The following PLCG2 variants were observed in gnomAD, a reference collection of about 807,000 sequenced individuals.
PLCG2 encodes the protein 1-phosphatidylinositol 4,5-bisphosphate phosphodiesterase gamma-2.
PLCG2 carries 69 observed loss-of-function variants against 175.6 expected under a neutral mutation model. The ratio of observed to expected loss-of-function variants is 0.39; its 90% CI spans 0.32 to 0.48. The LOEUF (loss-of-function observed/expected upper bound fraction) is 0.48, where lower values mean the gene tolerates loss of function less well. Ranked by LOEUF, PLCG2 falls within the 20% of genes least tolerant of loss-of-function variation. The probability of loss-of-function intolerance (pLI) is 0.91; values close to 1 mark genes in which losing one functional copy is unlikely to be tolerated. For missense variants in PLCG2, 1,798 were observed against 1,650.9 expected (o/e 1.09, Z -1.54); for synonymous variants, 827 against 624.0 (o/e 1.33, Z -4.85).
intron 2 of PLCG2, among the ~76,000 whole-genome samples, chr16:81,787,393 A>ATTTTTTTT (rs67160306): frequency 0.058 from 5,424 of 94,308 alleles, 1,000 homozygotes; most frequent in African/African-American, 0.22. Context: ...GGATAATTTA[A>ATTTTTTTT]TTTTTTTTTT....
At chr16:81,856,931 T>C (rs1906715211) in intron 3 of PLCG2, among the ~76,000 whole-genome samples, 1 of 152,112 alleles carries the variant, frequency 6.6e-6, no homozygotes, top group South Asian at 2.1e-4. Flanking sequence ...TGAGAGGCCA[T>C]GAGCTAAGGA....
chr16:81,879,992 C>G (rs960339629), intron 7 of PLCG2, among the ~76,000 whole-genome samples: 1 of 152,202 alleles, frequency 6.6e-6, no homozygotes, highest in Non-Finnish European at 1.5e-5. Context: ...GTAATCCCAG[C>G]TACTGAGGGG....
chr16:81,742,752 C>T (rs533948556), intron 1 of PLCG2, among the ~76,000 whole-genome samples: 4 of 152,156 alleles, frequency 2.6e-5, no homozygotes, highest in Admixed American at 6.5e-5. Context: ...TGCTACGAGA[C>T]GGGAGTGAAC....
chr16:81,948,055 G>A lies in PLCG2; in HGVS notation c.3570+1792G>A, dbSNP rs1199783464. 2.1e-5 allele frequency among the ~76,000 whole-genome samples: 3 copies of A among 144,612 alleles called. No homozygotes were observed. The South Asian group carries it at 6.3e-4, about 30-fold the overall frequency. 94.9% of individuals were successfully genotyped at this position (144,612 alleles called of 152,430 possible). A position where few individuals can be genotyped will look rare whatever the true frequency, so the allele number is the denominator to read the frequency against. ...CTAATTCACTTATGCTCCTACTAAC[G>A]GAGAGTCAAGTCGTTGGCAGTTCTT... On this transcript the variant is annotated intron_variant, in intron 31 of 32. Transcript: ENST00000564138.
chr16:81,770,711 C>T (rs1475194032), intron 2 of PLCG2, among the ~76,000 whole-genome samples: 2 of 151,978 alleles, frequency 1.3e-5, no homozygotes, highest in Non-Finnish European at 2.9e-5. Flanking sequence ...CAGAGTGAGA[C>T]CCTGTATCAA....
At chr16:81,909,973 C>G (rs1293109372) in intron 17 of PLCG2, among the ~76,000 whole-genome samples, 1 of 118,546 alleles carries the variant, frequency 8.4e-6, no homozygotes, top group Admixed American at 1.2e-4. Context: ...CATCCTGGCT[C>G]TAGAGAAGCA....
rs755732530 is a variant in PLCG2, at chr16:81,889,249, T to C, written c.843T>C (p.Ala281=). 64 of 1,603,366 alleles carry C rather than the reference T, an allele frequency of 4.0e-5. No homozygotes were observed. The highest frequency in any genetic ancestry group is 5.0e-5 in the Non-Finnish European group (59 of 1,174,018). The change falls in exon 10 of 33, where the codon GCT becomes GCC. Residue 281 remains alanine (A), a synonymous_variant. Transcript: ENST00000564138. ...TTGATGACACCATGCGTGAAACTGC[T>C]GAGCCTTTCTTGTTTGTGGATGAGG... ...KFIDDTMRET[A]EPFLFVDEFL... is the part of the protein sequence containing the mutation.
At chr16:81,870,808 G>A (rs374449311) in intron 6 of PLCG2, 44 bp from the exon 7 acceptor site, 10 of 1,030,226 alleles carry the variant, frequency 9.7e-6, no homozygotes, top group Middle Eastern at 2.3e-4. Flanking sequence ...CCATTCTTAC[G>A]GTGGACATCA....
At chr16:81,874,953 T>C (rs952243012) in intron 7 of PLCG2, among the ~76,000 whole-genome samples, 1 of 122,954 alleles carries the variant, frequency 8.1e-6, no homozygotes, top group South Asian at 2.6e-4. Flanking sequence ...TATGTGTTTT[T>C]TTTTTTTTTT....
At position 81,786,154 on chromosome 16, in the gene PLCG2, C is replaced by T; in HGVS notation, c.165C>T (p.Ser55=). The T allele has an allele frequency of 6.2e-7, 1 of 1,614,102 alleles. No individual in the cohort carries two copies. The highest frequency in any genetic ancestry group is 8.5e-7 in the Non-Finnish European group (1 of 1,180,004). ...VIMETRQVAW[S]KTADKIEGFL... ...TGGAGACGCGGCAGGTGGCCTGGAG[C>T]AAGACCGCTGACAAGATCGAGGGCT... The change falls in exon 2 of 33, where the codon AGC becomes AGT. Residue 55 remains serine (S), a synonymous_variant. Transcript: ENST00000564138.
At chr16:81,919,077 GA>G in intron 19 of PLCG2, among the ~76,000 whole-genome samples, 1 of 152,318 alleles carries the variant, frequency 6.6e-6, no homozygotes, top group Non-Finnish European at 1.5e-5. Context: ...GTTACAGTGT[GA>G]AAACAGTCCC....
intron 13 of PLCG2, among the ~76,000 whole-genome samples, chr16:81,899,147 C>G (rs1909027587): frequency 6.6e-6 from 1 of 151,742 alleles, no homozygotes; most frequent in Non-Finnish European, 1.5e-5. Flanking sequence ...TGAGGTCACG[C>G]CATTGCACTC....
At chr16:81,926,618 C>T (rs1284067653) in intron 22 of PLCG2, among the ~76,000 whole-genome samples, 1 of 152,170 alleles carries the variant, frequency 6.6e-6, no homozygotes, top group Non-Finnish European at 1.5e-5. Flanking sequence ...ATAAAACCCT[C>T]TGAGGGAAGC....
intron 7 of PLCG2, among the ~76,000 whole-genome samples, chr16:81,875,867 T>C (rs1597367783): frequency 6.6e-6 from 1 of 152,040 alleles, no homozygotes; most frequent in African/African-American, 2.4e-5. Flanking sequence ...GGTGTGAGCA[T>C]GGGGGAAGTG....
intron 2 of PLCG2, among the ~76,000 whole-genome samples, chr16:81,831,298 G>A (rs1460730907): frequency 2.0e-5 from 3 of 152,194 alleles, no homozygotes; most frequent in Non-Finnish European, 4.4e-5. Context: ...CCAGAACAGT[G>A]CCTGGCACGC....
chr16:81,921,527 A>T, intron 21 of PLCG2: 2 of 473,248 alleles, frequency 4.2e-6, no homozygotes, highest in South Asian at 4.1e-5. Context: ...CTTTGGGCCA[A>T]ATGGCTTCTA....
chr16:81,833,322 C>A (rs116662042), intron 2 of PLCG2, among the ~76,000 whole-genome samples: 1 of 152,060 alleles, frequency 6.6e-6, no homozygotes, highest in East Asian at 1.9e-4. Flanking sequence ...GGCCTTCTTT[C>A]GCAATCTGTC....
At chr16:81,862,133 C>T (rs1197029598) in intron 5 of PLCG2, among the ~76,000 whole-genome samples, 1 of 152,214 alleles carries the variant, frequency 6.6e-6, no homozygotes, top group African/African-American at 2.4e-5. Flanking sequence ...CAATTTCCCT[C>T]CCTTTCCTGT....
intron 2 of PLCG2, among the ~76,000 whole-genome samples, chr16:81,772,034 C>G (rs926476519): frequency 6.6e-6 from 1 of 152,090 alleles, no homozygotes; most frequent in Non-Finnish European, 1.5e-5. Flanking sequence ...CTGCCCACTT[C>G]GGCTTCCCAA....
Sources: gnomAD v4.1 joint callset for allele counts (sites outside exome capture counted in the v4.1 genomes callset) on GRCh38, gnomAD v4.1.1 for gene constraint, MANE v1.5 for transcripts, NCBI Gene and HGNC (gene_info 2026-07-23, HGNC 2026-07-21) for gene names.